LRRC69: variants seen among roughly 807,000 people sequenced by gnomAD.
LRRC69 encodes leucine rich repeat containing 69.
Under a neutral mutation model 37.8 loss-of-function variants are expected in LRRC69, and 42 were observed. That is an observed-to-expected ratio of 1.11 (90% CI 0.87 to 1.44). The LOEUF (loss-of-function observed/expected upper bound fraction) is 1.44, where lower values mean the gene tolerates loss of function less well. Ranked by LOEUF, LRRC69 falls within the 40% of genes most tolerant of loss-of-function variation. The pLI, the probability that LRRC69 is intolerant of heterozygous loss-of-function variation, is 0.00. For missense variants in LRRC69, 357 were observed against 401.9 expected (o/e 0.89, Z 0.96); for synonymous variants, 141 against 143.1 (o/e 0.99, Z 0.11).
At chr8:91,124,667 T>G in intron 2 of LRRC69, 48 bp downstream of exon 2, 2 of 1,435,032 alleles carry the variant, frequency 1.4e-6, no homozygotes, top group Non-Finnish European at 9.2e-7. Flanking sequence ...ATTTAATCTC[T>G]CATATTTAAT....
chr8:91,129,820 C>T (rs894592526), intron 3 of LRRC69, among the ~76,000 whole-genome samples: 4 of 151,934 alleles, frequency 2.6e-5, no homozygotes, highest in African/African-American at 4.8e-5. Context: ...TCTGAAGTCC[C>T]GTGTCTTTTG....
chr8:91,120,457 G>C (rs1049220752), intron 1 of LRRC69, among the ~76,000 whole-genome samples: 3 of 152,078 alleles, frequency 2.0e-5, no homozygotes, highest in Non-Finnish European at 4.4e-5. Flanking sequence ...GGATAAAGAG[G>C]TGGTTCCAGG....
At chr8:91,194,330 A>C (rs569236410) in intron 6 of LRRC69, among the ~76,000 whole-genome samples, 23 of 150,026 alleles carry the variant, frequency 1.5e-4, no homozygotes, top group South Asian at 6.3e-4. Context: ...TGTCTCTGCC[A>C]GGCTTTGGTA....
intron 6 of LRRC69, among the ~76,000 whole-genome samples, chr8:91,191,969 A>T (rs1809504480): frequency 6.8e-6 from 1 of 147,674 alleles, no homozygotes; most frequent in African/African-American, 2.5e-5. Flanking sequence ...AGCATTAGGT[A>T]TATCTCCCAA....
At chr8:91,113,472 G>A (rs561118842) in intron 1 of LRRC69, among the ~76,000 whole-genome samples, 2 of 152,118 alleles carry the variant, frequency 1.3e-5, no homozygotes, top group South Asian at 4.1e-4. Flanking sequence ...GGAAAGGATA[G>A]TGTCTTCAAT....
chr8:91,107,675 T>A (rs1263728044), intron 1 of LRRC69, among the ~76,000 whole-genome samples: 4 of 152,002 alleles, frequency 2.6e-5, no homozygotes, highest in Non-Finnish European at 5.9e-5. Flanking sequence ...GGGTAGGGGT[T>A]CTTTAGTAAA....
At chr8:91,125,318 A>G (rs991477748) in intron 2 of LRRC69, among the ~76,000 whole-genome samples, 4 of 151,950 alleles carry the variant, frequency 2.6e-5, no homozygotes, top group African/African-American at 4.8e-5. Flanking sequence ...CATGGGTGCT[A>G]TATATAATCA....
chr8:91,145,482 CCCT>C (rs1457791053), intron 5 of LRRC69, among the ~76,000 whole-genome samples: 1 of 151,844 alleles, frequency 6.6e-6, no homozygotes, highest in African/African-American at 2.4e-5. Flanking sequence ...GAAAAGTATA[CCCT>C]ATTCTTGAAG....
At chr8:91,187,734 AG>A (rs1450557193) in intron 5 of LRRC69, among the ~76,000 whole-genome samples, 1 of 152,224 alleles carries the variant, frequency 6.6e-6, no homozygotes, top group Non-Finnish European at 1.5e-5. Context: ...AAACAGTTGA[AG>A]GGACTATGTC....
chr8:91,138,405 A>G (rs1336483590), intron 5 of LRRC69, among the ~76,000 whole-genome samples: 1 of 151,972 alleles, frequency 6.6e-6, no homozygotes, highest in Non-Finnish European at 1.5e-5. Flanking sequence ...TTGAAACTGC[A>G]TTGTGCATAA....
chr8:91,172,185 A>G (rs1174109251), intron 5 of LRRC69, among the ~76,000 whole-genome samples: 1 of 151,966 alleles, frequency 6.6e-6, no homozygotes, highest in Non-Finnish European at 1.5e-5. Context: ...AGGATTCTTC[A>G]CACTTCTTAC....
chr8:91,219,142 G>C, downstream of LRRC69: 1 of 422,744 alleles, frequency 2.4e-6, no homozygotes. Flanking sequence ...CCATTATAAC[G>C]TTCCCAATCT....
chr8:91,162,882 T>A (rs181278961), intron 5 of LRRC69, among the ~76,000 whole-genome samples: 1 of 151,552 alleles, frequency 6.6e-6, no homozygotes, highest in East Asian at 1.9e-4. Flanking sequence ...TAATACTTTT[T>A]TTTTCAGCTT....
chr8:91,126,387 C>T (rs1433869632), intron 2 of LRRC69, among the ~76,000 whole-genome samples: 1 of 151,828 alleles, frequency 6.6e-6, no homozygotes, highest in Non-Finnish European at 1.5e-5. Flanking sequence ...TTTTTTTTGC[C>T]TTTAAAAATC....
chr8:91,105,273 C>T (rs1813290587), intron 1 of LRRC69, among the ~76,000 whole-genome samples: 2 of 151,644 alleles, frequency 1.3e-5, no homozygotes, highest in South Asian at 2.1e-4. Context: ...ACAATTTTCC[C>T]TATGTAATGG....
rs149264797 is a variant in LRRC69 at position 91,185,558 on chromosome 8, A to G, written c.652-3964A>G. 1.3e-3 allele frequency among the ~76,000 whole-genome samples: 177 copies of G among 132,002 alleles called. 1 individual carries two copies. Among genetic ancestry groups the G allele is most frequent in the African/African-American group, 5.2e-3 (174 of 33,508 alleles). The allele number at this position is 132,002 out of a possible 152,430, so 86.6% of individuals were successfully genotyped here. A position where few individuals can be genotyped will look rare whatever the true frequency, so the allele number is the denominator to read the frequency against. ...CCCTTTCATGCAGGGTGTGTGAGAC[A>G]TGGGTTCCCAGCACAGATATTTTTT... On this transcript the variant is annotated intron_variant, in intron 5 of 7. Coordinates refer to ENST00000448384, the Ensembl canonical transcript of LRRC69.
chr8:91,134,771 T>G (rs1813878868), intron 4 of LRRC69, among the ~76,000 whole-genome samples: 1 of 152,088 alleles, frequency 6.6e-6, no homozygotes, highest in Non-Finnish European at 1.5e-5. Flanking sequence ...AATCTCAGCT[T>G]AAACTTCACT....
At chr8:91,140,227 A>G (rs988015214) in intron 5 of LRRC69, among the ~76,000 whole-genome samples, 2 of 151,976 alleles carry the variant, frequency 1.3e-5, no homozygotes, top group African/African-American at 2.4e-5. Context: ...TCATTGCACA[A>G]TTTTAGAACA....
chr8:91,166,651 T>C (rs1357690939), intron 5 of LRRC69, among the ~76,000 whole-genome samples: 1 of 151,712 alleles, frequency 6.6e-6, no homozygotes, highest in Non-Finnish European at 1.5e-5. Context: ...ACATATAGCT[T>C]GTGTTAAATA....
Sources: allele counts gnomAD v4.1 joint callset (sites outside exome capture counted in the v4.1 genomes callset), GRCh38; gene constraint gnomAD v4.1.1; transcripts MANE v1.5; gene names NCBI Gene and HGNC (gene_info 2026-07-23, HGNC 2026-07-21).